Variants in ADAMTS17 observed in about 807,000 individuals in gnomAD.
The protein encoded by ADAMTS17 is ADAM metallopeptidase with thrombospondin type 1 motif 17.
A neutral mutation model predicts 141.5 loss-of-function variants in ADAMTS17; 113 were observed. The observed-to-expected ratio is 0.80, with a 90% confidence interval of 0.69 to 0.93. The LOEUF is 0.93. Among genes scored for constraint, ADAMTS17 ranks in the 40% least tolerant of loss-of-function variants. ADAMTS17 has a pLI of 0.00. For missense variants in ADAMTS17, 1,659 were observed against 1,517.9 expected (o/e 1.09, Z -1.54); for synonymous variants, 768 against 630.6 (o/e 1.22, Z -3.27).
At chr15:100,010,525 G>T (rs184668304) in intron 18 of ADAMTS17, among the ~76,000 whole-genome samples, 1 of 152,212 alleles carries the variant, frequency 6.6e-6, no homozygotes. Context: ...CTATGGGTGA[G>T]AGGCTGTGGC....
chr15:100,215,129 C>T (rs890215653), intron 7 of ADAMTS17, among the ~76,000 whole-genome samples: 1 of 152,246 alleles, frequency 6.6e-6, no homozygotes, highest in African/African-American at 2.4e-5. Context: ...GTTCCGGCTA[C>T]AGCCAGAGGC....
intron 2 of ADAMTS17, among the ~76,000 whole-genome samples, chr15:100,337,750 G>A (rs1273705691): frequency 2.0e-5 from 3 of 152,232 alleles, no homozygotes; most frequent in South Asian, 2.1e-4. Context: ...CCCTCCTCTC[G>A]TTCACTCTTC....
chr15:100,085,696 A>T (rs1052641202), intron 15 of ADAMTS17, among the ~76,000 whole-genome samples: 4 of 150,796 alleles, frequency 2.7e-5, no homozygotes, highest in African/African-American at 9.9e-5. Context: ...AATATTCAAC[A>T]TTCTTAAAGA....
chr15:100,089,699 G>A (rs1027021233), intron 15 of ADAMTS17, among the ~76,000 whole-genome samples: 1 of 151,862 alleles, frequency 6.6e-6, no homozygotes, highest in African/African-American at 2.4e-5. Flanking sequence ...GGATGAAGCT[G>A]GAAACCATCA....
chr15:100,104,028 T>C (rs1423852075), intron 14 of ADAMTS17, among the ~76,000 whole-genome samples: 1 of 152,232 alleles, frequency 6.6e-6, no homozygotes, highest in Non-Finnish European at 1.5e-5. Flanking sequence ...ATACAAATTA[T>C]GGTACCAAGG....
At chr15:99,988,285 G>A (rs1567646641) in intron 20 of ADAMTS17, among the ~76,000 whole-genome samples, 1 of 152,054 alleles carries the variant, frequency 6.6e-6, no homozygotes, top group Non-Finnish European at 1.5e-5. Context: ...GTCATGAGTG[G>A]GTTCTTGCTC....
At chr15:100,340,986 C>T (rs1277702246) in intron 2 of ADAMTS17, 53 bp downstream of exon 2, 19 of 1,521,378 alleles carry the variant, frequency 1.2e-5, no homozygotes, top group Non-Finnish European at 1.5e-5. Flanking sequence ...ACGGCGACCA[C>T]TCTGCGTCGC....
At position 99,976,072 on chromosome 15, in the gene ADAMTS17, C is replaced by T. The variant is rs527897248; in HGVS notation, c.3100G>A (p.Ala1034Thr). Residue 1034 changes from alanine (A) to threonine (T), a missense_variant, in exon 21 of 22, where the codon GCC (alanine) becomes ACC (threonine). Transcript: ENST00000268070. ...AGGCGGGGGGAGGTGATGGTGTTGG[C>T]GTTGATCCTGTCGTTGCAGACCTCC... ...YQEVCNDRIN[A>T]NTITSPRLAA... 3.9e-5 allele frequency: 60 copies of T among 1,551,428 alleles called. No homozygotes were observed. The Admixed American group carries it at 4.7e-4, about 12-fold the overall frequency.
intron 10 of ADAMTS17, among the ~76,000 whole-genome samples, chr15:100,143,354 G>T (rs866176240): frequency 6.6e-6 from 1 of 152,200 alleles, no homozygotes; most frequent in Non-Finnish European, 1.5e-5. Flanking sequence ...TTGTTAAATA[G>T]CAACTTTCTT....
chr15:100,120,834 GA>G (rs1166541296), intron 12 of ADAMTS17, among the ~76,000 whole-genome samples: 6 of 152,216 alleles, frequency 3.9e-5, no homozygotes, highest in Non-Finnish European at 7.4e-5. Flanking sequence ...CAAAGAAACA[GA>G]AAGTATGGTT....
chr15:100,260,287 T>G (rs1358055379), intron 6 of ADAMTS17, among the ~76,000 whole-genome samples: 1 of 152,188 alleles, frequency 6.6e-6, no homozygotes, highest in Non-Finnish European at 1.5e-5. Context: ...AAAGCCTTTC[T>G]TGACTCAAAA....
Position 100,093,972 on chromosome 15 carries a change from T to C in ADAMTS17, c.2137+2384A>G, listed in dbSNP as rs113053385. ...AAGTTTGTGCTGAATGAAACTATAC[T>C]AGATAGGCAGCCAGTGACTCATTCT... is the stretch of plus-strand genomic sequence containing the variant. On this transcript the variant is annotated intron_variant, in intron 15 of 21. Transcript: ENST00000268070. Among the ~76,000 whole-genome samples, 335 of 151,874 alleles carry C rather than the reference T, an allele frequency of 2.2e-3. 2 individuals are homozygous for C. Among genetic ancestry groups the C allele is most frequent in the African/African-American group, 7.7e-3 (318 of 41,428 alleles).
At chr15:99,974,601 G>A (rs779626937) in intron 21 of ADAMTS17, 39 bp from the exon 22 acceptor site, 1 of 1,613,488 alleles carries the variant, frequency 6.2e-7, no homozygotes, top group South Asian at 1.1e-5. Context: ...GGTCAGGGAT[G>A]GCCTAGGCAT....
intron 6 of ADAMTS17, among the ~76,000 whole-genome samples, chr15:100,258,602 T>C (rs2043409683): frequency 6.6e-6 from 1 of 152,086 alleles, no homozygotes; most frequent in Non-Finnish European, 1.5e-5. Flanking sequence ...AATCAGATCT[T>C]GTGAGACTTC....
At chr15:100,209,617 C>T (rs1259712890) in intron 7 of ADAMTS17, among the ~76,000 whole-genome samples, 3 of 149,264 alleles carry the variant, frequency 2.0e-5, no homozygotes, top group Non-Finnish European at 4.4e-5. Context: ...AAAAAAAAAG[C>T]CTCTTAGAAA....
At chr15:99,976,260 G>C in intron 20 of ADAMTS17, 38 bp from the exon 21 acceptor site, 4 of 1,537,468 alleles carry the variant, frequency 2.6e-6, no homozygotes, top group Non-Finnish European at 3.5e-6. Context: ...GCTGACATGA[G>C]GTCAAGGGAC....
chr15:100,079,707 CACTT>C (rs892466333), intron 15 of ADAMTS17, among the ~76,000 whole-genome samples: 51 of 152,310 alleles, frequency 3.3e-4, no homozygotes, highest in African/African-American at 1.2e-3. Flanking sequence ...CTGGAATAGA[CACTT>C]ACTCCGGATA....
At chr15:100,058,719 G>C (rs554633335) in intron 15 of ADAMTS17, among the ~76,000 whole-genome samples, 58 of 152,326 alleles carry the variant, frequency 3.8e-4, no homozygotes, top group African/African-American at 1.2e-3. Context: ...CTAGGGCCCT[G>C]GAGCCTGCCA....
intron 8 of ADAMTS17, among the ~76,000 whole-genome samples, chr15:100,170,546 C>T (rs2040121564): frequency 6.6e-6 from 1 of 152,202 alleles, no homozygotes; most frequent in South Asian, 2.1e-4. Context: ...CATTGAAAGT[C>T]CCTTCGCGGA....
Sources: allele counts gnomAD v4.1 joint callset (sites outside exome capture counted in the v4.1 genomes callset), GRCh38; gene constraint gnomAD v4.1.1; transcripts MANE v1.5; gene names NCBI Gene and HGNC (gene_info 2026-07-23, HGNC 2026-07-21).